SP140: variants seen among roughly 807,000 people sequenced by gnomAD.
SP140 encodes the protein nuclear body protein SP140.
In SP140, 81 loss-of-function variants were observed where a neutral mutation model predicts 125.0. The observed-to-expected ratio is 0.65, with a 90% CI of 0.54 to 0.78. The LOEUF (loss-of-function observed/expected upper bound fraction) is 0.78, where lower values mean the gene tolerates loss of function less well. Ranked by LOEUF, SP140 falls within the 30% of genes least tolerant of loss-of-function variation. The pLI is 0.00. For missense variants in SP140, 858 were observed against 1,037.0 expected (o/e 0.83, Z 2.37); for synonymous variants, 312 against 354.0 (o/e 0.88, Z 1.33).
At chr2:230,251,829 A>T (rs1238416078) in intron 10 of SP140, among the ~76,000 whole-genome samples, 1 of 152,154 alleles carries the variant, frequency 6.6e-6, no homozygotes, top group African/African-American at 2.4e-5. Flanking sequence ...AGATTTAGGC[A>T]GGGAAAGTGC....
chr2:230,186,840 T>A, the SP140 span, among the ~76,000 whole-genome samples: 1 of 152,204 alleles, frequency 6.6e-6, no homozygotes, highest in Non-Finnish European at 1.5e-5. Flanking sequence ...ATTTCATTCT[T>A]TTTTTATGGC....
chr2:230,293,833 A>C (rs2057396902), intron 20 of SP140, among the ~76,000 whole-genome samples: 1 of 152,110 alleles, frequency 6.6e-6, no homozygotes, highest in Non-Finnish European at 1.5e-5. Flanking sequence ...TTATTTTGTG[A>C]GTGCTTTTTG....
At chr2:230,307,955 GTATATATATATATA>G (rs60233854) in intron 22 of SP140, among the ~76,000 whole-genome samples, 16 of 48,408 alleles carry the variant, frequency 3.3e-4, no homozygotes, top group African/African-American at 8.2e-4. Flanking sequence ...GGACATGCAT[GTATATATATATATA>G]TATATATATA....
intron 15 of SP140, among the ~76,000 whole-genome samples, chr2:230,278,954 C>CA (rs1559317364): frequency 6.6e-6 from 1 of 151,980 alleles, no homozygotes; most frequent in Non-Finnish European, 1.5e-5. Flanking sequence ...TAGACTCCAT[C>CA]AAAAAACTGT....
intron 1 of SP140, among the ~76,000 whole-genome samples, chr2:230,231,768 G>A (rs570354169): frequency 9.2e-5 from 14 of 151,868 alleles, no homozygotes; most frequent in African/African-American, 1.7e-4. Flanking sequence ...GTGCAGTGGC[G>A]TGGTCTCGGC....
chr2:230,190,341 G>A, the SP140 span, among the ~76,000 whole-genome samples: 4 of 52,634 alleles, frequency 7.6e-5, no homozygotes, highest in African/African-American at 1.4e-4. Context: ...TGTTGGCTAC[G>A]TAAATTTTTT....
At chr2:230,316,201 T>C (rs1233935434), downstream of SP140, among the ~76,000 whole-genome samples, 2 of 152,266 alleles carry the variant, frequency 1.3e-5, no homozygotes, top group South Asian at 2.1e-4. Context: ...ACTTACTAAA[T>C]CACAAACACT....
chr2:230,192,133 C>T, the SP140 span, among the ~76,000 whole-genome samples: 1 of 151,974 alleles, frequency 6.6e-6, no homozygotes, highest in Non-Finnish European at 1.5e-5. Context: ...TGGAACATAT[C>T]TCAAAATAAT....
intron 22 of SP140, among the ~76,000 whole-genome samples, chr2:230,298,416 C>G (rs1033144801): frequency 2.0e-5 from 3 of 152,170 alleles, no homozygotes; most frequent in African/African-American, 7.2e-5. Context: ...AAGCAGTCCT[C>G]CAATCAGATT....
chr2:230,207,838 A>T (rs2044037406), intron 1 of SP140, among the ~76,000 whole-genome samples: 1 of 152,158 alleles, frequency 6.6e-6, no homozygotes, highest in African/African-American at 2.4e-5. Context: ...ACACCGTAGC[A>T]AAATTGAGCT....
rs2148914235 is a variant in SP140 at position 230,211,069 on chromosome 2, G to A, written c.-322-2585G>A. ...TTATTGAAGTGGCCTCAGAAGAGTG[G>A]CTCTGTCAAACAGTCCAGCCTGACT... On this transcript the variant is annotated intron_variant, in intron 1 of 4. Transcript: ENST00000456542. The surrounding 1 kb of genome is among the most constrained non-coding windows in gnomAD (Gnocchi z 4.2). 6.6e-6 allele frequency among the ~76,000 whole-genome samples: 1 copy of A among 152,292 alleles called. No homozygotes were observed. Among genetic ancestry groups the A allele is most frequent in the East Asian group, 1.9e-4 (1 of 5,172 alleles).
intron 1 of SP140, among the ~76,000 whole-genome samples, chr2:230,236,554 C>G (rs2048040756): frequency 6.6e-6 from 1 of 152,208 alleles, no homozygotes; most frequent in Non-Finnish European, 1.5e-5. Context: ...CAGCTCCAGT[C>G]TGAATGCAGT....
rs565287047 is a variant in SP140, at chr2:230,297,609, C to A, written c.2058+147C>A. 1.6e-5 allele frequency: 14 copies of A among 874,306 alleles called. No individual in the cohort carries two copies. The Admixed American group carries it at 1.6e-4, about 10-fold the overall frequency. The allele number at this position is 874,306 out of a possible 1,614,324, so 54.2% of individuals were successfully genotyped here. On this transcript the variant is annotated intron_variant, in intron 22 of 26. Coordinates refer to ENST00000392045, the MANE Select transcript of SP140 (RefSeq NM_007237.5). ...GTGAATTCAGTTGCATCACCCAAGC[C>A]AGGTAGATGTGCCTGGGCCTTGGAT...
chr2:230,221,697 T>C (rs1176732392), upstream of SP140: 4 of 1,535,846 alleles, frequency 2.6e-6, no homozygotes, highest in Non-Finnish European at 2.6e-6. Context: ...ATGTCACATG[T>C]CACTTACCTG....
At chr2:230,296,446 G>A (rs2057739341) in intron 21 of SP140, among the ~76,000 whole-genome samples, 2 of 152,214 alleles carry the variant, frequency 1.3e-5, no homozygotes. Context: ...AGGGAAGGAT[G>A]CCAAGTCATG....
intron 15 of SP140, among the ~76,000 whole-genome samples, chr2:230,272,475 G>T (rs1448354037): frequency 1.3e-5 from 2 of 152,100 alleles, no homozygotes; most frequent in African/African-American, 4.8e-5. Context: ...TCATAATAGT[G>T]AATATGTCTT....
rs549990716 is a variant in SP140 at position 230,286,322 on chromosome 2, G to C, written c.1645+490G>C. Reference sequence around the variant, plus strand: ...GTCTTCCCCAGTTTAAAGCACCTTCGCTTCTTCAGCCTAGGCAAGCCTTAG... The same window carrying C: ...GTCTTCCCCAGTTTAAAGCACCTTCCCTTCTTCAGCCTAGGCAAGCCTTAG... On this transcript the variant is annotated intron_variant, in intron 17 of 26. Transcript: ENST00000392045. Among the ~76,000 whole-genome samples, 189 of 152,256 alleles carry C rather than the reference G, an allele frequency of 1.2e-3. 1 individual carries two copies. Among genetic ancestry groups the C allele is most frequent in the African/African-American group, 4.2e-3 (173 of 41,558 alleles).
chr2:230,192,143 T>C, the SP140 span, among the ~76,000 whole-genome samples: 1 of 152,044 alleles, frequency 6.6e-6, no homozygotes, highest in African/African-American at 2.4e-5. Context: ...CTCAAAATAA[T>C]AAGAGCTATT....
chr2:230,215,475 A>T (rs1248729528), intron 3 of SP140, among the ~76,000 whole-genome samples: 1 of 152,226 alleles, frequency 6.6e-6, no homozygotes, highest in Non-Finnish European at 1.5e-5. Flanking sequence ...TGGGCAGGAT[A>T]CTTCAGCAAT....
Sources: gnomAD v4.1 joint callset for allele counts (sites outside exome capture counted in the v4.1 genomes callset) on GRCh38, gnomAD v4.1.1 for gene constraint, Gnocchi (gnomAD v3.1) non-coding constraint, MANE v1.5 for transcripts, NCBI Gene and HGNC (gene_info 2026-07-23, HGNC 2026-07-21) for gene names.